Variants in TOPBP1 observed in about 807,000 individuals in gnomAD.
TOPBP1 encodes the protein DNA topoisomerase II binding protein 1.
Under a neutral mutation model 167.7 loss-of-function variants are expected in TOPBP1, and 28 were observed. The observed-to-expected ratio is 0.17, with a 90% CI of 0.12 to 0.23. TOPBP1 has a LOEUF of 0.23. Ranked by LOEUF, TOPBP1 falls within the 10% of genes least tolerant of loss-of-function variation. The pLI, the probability that TOPBP1 is intolerant of heterozygous loss-of-function variation, is 1.00. For missense variants in TOPBP1, 1,554 were observed against 1,809.6 expected (o/e 0.86, Z 2.56); for synonymous variants, 598 against 611.4 (o/e 0.98, Z 0.32).
chr3:133,629,729 A>T (rs1039185772), intron 14 of TOPBP1, among the ~76,000 whole-genome samples: 1 of 151,880 alleles, frequency 6.6e-6, no homozygotes, highest in African/African-American at 2.4e-5. Flanking sequence ...GTATGCTTTA[A>T]TTTTCTACTC....
chr3:133,611,675 T>A (rs927614419), intron 24 of TOPBP1, among the ~76,000 whole-genome samples: 3 of 152,254 alleles, frequency 2.0e-5, no homozygotes, highest in Non-Finnish European at 4.4e-5. Flanking sequence ...GGCTTTGTTA[T>A]TGAAAAAGCT....
At chr3:133,639,610 G>GA (rs1310190275) in intron 13 of TOPBP1, among the ~76,000 whole-genome samples, 16 of 151,978 alleles carry the variant, frequency 1.1e-4, no homozygotes, top group Non-Finnish European at 4.4e-5. Context: ...TAATTAAAAA[G>GA]AAAAAATGAA....
At chr3:133,624,850 A>G in intron 16 of TOPBP1, among the ~76,000 whole-genome samples, 1 of 152,240 alleles carries the variant, frequency 6.6e-6, no homozygotes, top group East Asian at 1.9e-4. Flanking sequence ...ACTAAGGGAC[A>G]TGGTTCAGTA....
intron 23 of TOPBP1, 90 bp from the exon 24 acceptor site, chr3:133,612,642 T>A (rs756975704): frequency 3.2e-6 from 4 of 1,266,456 alleles, no homozygotes; most frequent in African/African-American, 1.5e-5. Context: ...AAATTATTTA[T>A]AAATAAAATG....
intron 3 of TOPBP1, among the ~76,000 whole-genome samples, chr3:133,658,161 T>A (rs1936546523): frequency 6.6e-6 from 1 of 152,160 alleles, no homozygotes; most frequent in South Asian, 2.1e-4. Flanking sequence ...CAATGCAAGC[T>A]ATCAAAAGAA....
chr3:133,606,539 A>G (rs923471716), intron 27 of TOPBP1, among the ~76,000 whole-genome samples: 1 of 148,074 alleles, frequency 6.8e-6, no homozygotes, highest in Non-Finnish European at 1.5e-5. Flanking sequence ...AGCTGAGTCT[A>G]AAGTCCATAT....
chr3:133,620,059 A>C, intron 20 of TOPBP1, 96 bp downstream of exon 20: 13 of 1,347,468 alleles, frequency 9.6e-6, no homozygotes, highest in South Asian at 7.8e-5. Context: ...AAAAAAGCTA[A>C]ATTAGGCCAA....
At chr3:133,636,809 G>A (rs1935694547) in intron 14 of TOPBP1, among the ~76,000 whole-genome samples, 1 of 152,126 alleles carries the variant, frequency 6.6e-6, no homozygotes, top group South Asian at 2.1e-4. Context: ...CAAAGAAGAG[G>A]CTTGATCCTA....
chr3:133,641,929 C>A (rs949025358), intron 12 of TOPBP1, among the ~76,000 whole-genome samples: 1 of 152,190 alleles, frequency 6.6e-6, no homozygotes, highest in African/African-American at 2.4e-5. Flanking sequence ...TTGCTAACTA[C>A]CCCAGAACCT....
intron 27 of TOPBP1, 80 bp downstream of exon 27, chr3:133,608,455 G>C (rs1269619549): frequency 1.3e-6 from 2 of 1,481,988 alleles, no homozygotes; most frequent in Admixed American, 2.0e-5. Context: ...ATGAGCTGAA[G>C]GTTTTGTTGT....
chr3:133,629,959 C>T (rs1226615112), intron 14 of TOPBP1, among the ~76,000 whole-genome samples: 3 of 150,914 alleles, frequency 2.0e-5, no homozygotes, highest in Admixed American at 1.3e-4. Flanking sequence ...GCTAATTTTT[C>T]GTATTTTTAG....
intron 14 of TOPBP1, among the ~76,000 whole-genome samples, chr3:133,629,351 G>T (rs1411730589): frequency 1.3e-5 from 2 of 152,108 alleles, no homozygotes; most frequent in African/African-American, 4.8e-5. Context: ...ACAGTCTTTT[G>T]CAAGTATAAT....
At chr3:133,624,206 C>T in intron 16 of TOPBP1, 31 bp from the exon 17 acceptor site, 2 of 1,605,160 alleles carry the variant, frequency 1.2e-6, no homozygotes, top group South Asian at 1.1e-5. Flanking sequence ...AAACAAATAA[C>T]CAAGAGAAAC....
chr3:133,624,227 G>GTTT, intron 16 of TOPBP1, 52 bp from the exon 17 acceptor site: 1 of 1,584,702 alleles, frequency 6.3e-7, no homozygotes, highest in Non-Finnish European at 8.6e-7. Flanking sequence ...ATCCTCATTA[G>GTTT]TTTAAGATGA....
chr3:133,658,723 C>T (rs1007833031), intron 3 of TOPBP1, among the ~76,000 whole-genome samples: 2 of 152,144 alleles, frequency 1.3e-5, no homozygotes, highest in East Asian at 3.9e-4. Context: ...ACAAGAATCA[C>T]TTGAACCAAG....
intron 14 of TOPBP1, among the ~76,000 whole-genome samples, chr3:133,636,596 T>C (rs1212092774): frequency 6.6e-6 from 1 of 152,206 alleles, no homozygotes; most frequent in African/African-American, 2.4e-5. Context: ...AGCTTTCCAC[T>C]GCAAAACTTT....
In TOPBP1 at chr3:133,624,151, A is replaced by T; in HGVS notation, c.2829T>A (p.Thr943=). 4 of 1,613,648 alleles carry T rather than the reference A, an allele frequency of 2.5e-6. No individual in the cohort carries two copies. The highest frequency in any genetic ancestry group is 3.4e-6 in the Non-Finnish European group (4 of 1,179,736). The part of the protein sequence containing the change: ...DYRWSFDETV[T]HFIYQGRPND... The stretch of plus-strand genomic sequence containing the variant: ...TTGGCCGCCCTTGATAGATGAAATG[A>T]GTCACTGTTTCATCAAAACTCCACC... The change falls in exon 17 of 28, where the codon ACT becomes ACA. Residue 943 remains threonine (T), a synonymous_variant. Coordinates refer to ENST00000260810, the MANE Select transcript of TOPBP1 (RefSeq NM_007027.4).
At chr3:133,658,022 C>T (rs1484899546) in intron 3 of TOPBP1, 81 bp from the exon 4 acceptor site, 2 of 1,183,736 alleles carry the variant, frequency 1.7e-6, no homozygotes, top group Non-Finnish European at 1.1e-6. Context: ...TAACATTCAC[C>T]AATTCTTTAC....
chr3:133,650,381 G>C (rs946882451), intron 8 of TOPBP1, among the ~76,000 whole-genome samples: 2 of 96,496 alleles, frequency 2.1e-5, no homozygotes, highest in Non-Finnish European at 1.9e-5. Context: ...CGGGGGGAGG[G>C]GTTGTTTTTT....
Sources: allele counts gnomAD v4.1 joint callset (sites outside exome capture counted in the v4.1 genomes callset), GRCh38; gene constraint gnomAD v4.1.1; transcripts MANE v1.5; gene names NCBI Gene and HGNC (gene_info 2026-07-23, HGNC 2026-07-21).